Variants in TAF1 observed in about 807,000 individuals in gnomAD.
TAF1 encodes the protein transcription initiation factor TFIID subunit 1.
Under a neutral mutation model 138.5 loss-of-function variants are expected in TAF1, and 2 were observed. The observed-to-expected ratio is 0.01, with a 90% CI of 0.01 to 0.05. The LOEUF (loss-of-function observed/expected upper bound fraction) is 0.05, where lower values mean the gene tolerates loss of function less well. Ranked by LOEUF, TAF1 falls within the 10% of genes least tolerant of loss-of-function variation. The pLI is 1.00. For missense variants in TAF1, 709 were observed against 1,478.0 expected (o/e 0.48, Z 8.53); for synonymous variants, 437 against 503.2 (o/e 0.87, Z 1.76).
At chrX:71,441,201 T>G (rs1489949429) in intron 32 of TAF1, among the ~76,000 whole-genome samples, 1 of 110,995 alleles carries the variant, frequency 9.0e-6, no homozygotes, top group Non-Finnish European at 1.9e-5. Flanking sequence ...TTTTCTTTGG[T>G]GAAGTGACTG....
rs192993581 is a variant in TAF1, at chrX:71,501,018, G to A, written c.1367-27524G>A. Among the ~76,000 whole-genome samples, 28 of 104,188 alleles carry A rather than the reference G, an allele frequency of 2.7e-4. No individual in the cohort carries two copies. In the East Asian group the frequency reaches 8.3e-3, roughly 31 times the overall value. 90.5% of individuals were successfully genotyped at this position (104,188 alleles called of 115,157 possible). A position where few individuals can be genotyped will look rare whatever the true frequency, so the allele number is the denominator to read the frequency against. On this transcript the variant is annotated intron_variant and NMD_transcript_variant, in intron 13 of 14. Transcript: ENST00000373775. ...GCACAGGTTGCAGTGAGCCGAGATC[G>A]AGCCATTGCACTCAAGCCTGGGGGA...
Position 71,422,559 on chromosome X carries a change from CAT to C in TAF1, c.4453-555_4453-554del, listed in dbSNP as rs776302048. On this transcript the variant is annotated intron_variant, in intron 29 of 37. Coordinates refer to ENST00000423759, the MANE Select transcript of TAF1 (RefSeq NM_004606.5). Reference sequence around the variant, plus strand: ...CAGGCTGGTCTCGAGTTCCTGGCCTCATATGATCCACCTGCTCGGCCTCCCAG... The same window carrying C: ...CAGGCTGGTCTCGAGTTCCTGGCCTCATGATCCACCTGCTCGGCCTCCCAG... 1.9e-3 allele frequency among the ~76,000 whole-genome samples: 200 copies of C among 105,649 alleles called. 1 individual carries two copies. The highest frequency in any genetic ancestry group is 6.5e-3 in the African/African-American group (187 of 28,946). The allele number at this position is 105,649 out of a possible 115,157, so 91.7% of individuals were successfully genotyped here.
At chrX:71,471,925 G>A (rs2038897530) in intron 13 of TAF1, among the ~76,000 whole-genome samples, 1 of 112,341 alleles carries the variant, frequency 8.9e-6, no homozygotes, top group Admixed American at 9.5e-5. Context: ...CCTCTGATTA[G>A]TTGAGGTACT....
chrX:71,434,621 C>T (rs2037050654), intron 32 of TAF1, among the ~76,000 whole-genome samples: 1 of 112,084 alleles, frequency 8.9e-6, no homozygotes, highest in African/African-American at 3.2e-5. Context: ...CGGCATGTAT[C>T]AGAGGAATTA....
intron 13 of TAF1, among the ~76,000 whole-genome samples, chrX:71,500,133 A>T (rs2039471085): frequency 9.1e-6 from 1 of 110,084 alleles, no homozygotes; most frequent in African/African-American, 3.3e-5. Context: ...TAGGAAGGGG[A>T]GCTGTAGGAA....
chrX:71,529,246 T>A (rs2040058805), intron 14 of TAF1, among the ~76,000 whole-genome samples: 1 of 110,427 alleles, frequency 9.1e-6, no homozygotes, highest in Non-Finnish European at 1.9e-5. Flanking sequence ...TAATTTTTTG[T>A]ATTTTTAGTA....
chrX:71,404,536 C>G (rs1467070551), intron 25 of TAF1, among the ~76,000 whole-genome samples: 1 of 110,516 alleles, frequency 9.0e-6, no homozygotes, highest in African/African-American at 3.3e-5. Flanking sequence ...AGGGTTTCTC[C>G]ATGTTGGTCA....
chrX:71,461,694 A>G (rs1013086580), intron 37 of TAF1, among the ~76,000 whole-genome samples: 1 of 112,160 alleles, frequency 8.9e-6, no homozygotes, highest in East Asian at 2.8e-4. Flanking sequence ...AAACAAATTA[A>G]TTTTTTACTT....
intron 13 of TAF1, among the ~76,000 whole-genome samples, chrX:71,505,676 T>C (rs192205570): frequency 8.9e-6 from 1 of 111,796 alleles, no homozygotes; most frequent in Non-Finnish European, 1.9e-5. Context: ...CTAAATGTTA[T>C]GTGGTGTCCT....
chrX:71,417,507 T>C (rs1038631612), intron 28 of TAF1, among the ~76,000 whole-genome samples: 2 of 109,679 alleles, frequency 1.8e-5, no homozygotes, highest in African/African-American at 3.3e-5. Context: ...CAGGTGTGCT[T>C]CAGCACACCC....
At chrX:71,412,209 C>T (rs1412019625) in intron 28 of TAF1, among the ~76,000 whole-genome samples, 1 of 107,297 alleles carries the variant, frequency 9.3e-6, no homozygotes, top group Middle Eastern at 4.4e-3. Context: ...ACTGCAGCCT[C>T]ACCCTCTCGG....
Position 71,514,091 on chromosome X carries a change from G to A in TAF1, c.1367-14451G>A, listed in dbSNP as rs143778023. Among the ~76,000 whole-genome samples the A allele has an allele frequency of 6.5e-4, 73 of 111,518 alleles. 2 individuals carry two copies. In the East Asian group the frequency reaches 0.019, roughly 28 times the overall value. On this transcript the variant is annotated intron_variant and NMD_transcript_variant, in intron 13 of 14. Transcript: ENST00000373775. ...TTGCTGCTGCTCACTCTTTAGGTCC[G>A]CACCACCTTTAAGAGCTGTAACACT... is the stretch of plus-strand genomic sequence containing the variant.
chrX:71,421,599 T>G (rs1052462607), intron 29 of TAF1, among the ~76,000 whole-genome samples: 1 of 111,945 alleles, frequency 8.9e-6, no homozygotes, highest in African/African-American at 3.2e-5. Flanking sequence ...CTGGACATCT[T>G]GACTATTAAC....
At chrX:71,371,738 A>G (rs1302857149) in intron 3 of TAF1, among the ~76,000 whole-genome samples, 2 of 111,595 alleles carry the variant, frequency 1.8e-5, no homozygotes, top group Admixed American at 9.6e-5. Flanking sequence ...CATAGATTCA[A>G]ATTCCAACTC....
chrX:71,395,007 A>G (rs1395507556), intron 22 of TAF1, among the ~76,000 whole-genome samples: 1 of 112,288 alleles, frequency 8.9e-6, no homozygotes, highest in Non-Finnish European at 1.9e-5. Context: ...TTAAATGTGC[A>G]TTTTCTGAGA....
chrX:71,425,223 G>GT (rs894600499), intron 32 of TAF1, among the ~76,000 whole-genome samples: 3 of 111,531 alleles, frequency 2.7e-5, no homozygotes, highest in Non-Finnish European at 5.6e-5. Flanking sequence ...CTCAGTACAT[G>GT]AGTTGATTGA....
chrX:71,425,484 T>A (rs910744310), intron 32 of TAF1, among the ~76,000 whole-genome samples: 1 of 110,696 alleles, frequency 9.0e-6, no homozygotes, highest in Non-Finnish European at 1.9e-5. Flanking sequence ...AAAAAACTTA[T>A]AAACAAAAGC....
intron 32 of TAF1, among the ~76,000 whole-genome samples, chrX:71,434,337 G>A (rs986216933): frequency 1.8e-5 from 2 of 112,392 alleles, no homozygotes; most frequent in Admixed American, 9.4e-5. Context: ...GTAAAATTTT[G>A]TTAGTATTAA....
At chrX:71,506,962 A>T in intron 13 of TAF1, among the ~76,000 whole-genome samples, 1 of 112,049 alleles carries the variant, frequency 8.9e-6, no homozygotes, top group Admixed American at 9.5e-5. Flanking sequence ...TAGAAAAAAG[A>T]CAGACACAAA....
Sources: allele counts gnomAD v4.1 joint callset (sites outside exome capture counted in the v4.1 genomes callset), GRCh38; gene constraint gnomAD v4.1.1; transcripts MANE v1.5; gene names NCBI Gene and HGNC (gene_info 2026-07-23, HGNC 2026-07-21).